RANBP2: variants seen among roughly 807,000 people sequenced by gnomAD.
The protein encoded by RANBP2 is E3 SUMO-protein ligase RanBP2.
In RANBP2, 57 loss-of-function variants were observed where a neutral mutation model predicts 303.6. The ratio of observed to expected loss-of-function variants is 0.19; its 90% confidence interval spans 0.15 to 0.23. RANBP2 has a LOEUF of 0.23. Ranked by LOEUF, RANBP2 falls within the 10% of genes least tolerant of loss-of-function variation. The probability of loss-of-function intolerance (pLI) is 1.00; values close to 1 mark genes in which losing one functional copy is unlikely to be tolerated. For synonymous variants in RANBP2, 1,167 were observed against 1,301.5 expected, an observed-to-expected ratio of 0.90 and a Z score of 2.23; for missense variants, 3,138 against 3,780.8, an observed-to-expected ratio of 0.83 and a Z score of 4.46.
chr2:108,938,273 C>T, the RANBP2 span, among the ~76,000 whole-genome samples: 2 of 152,228 alleles, frequency 1.3e-5, no homozygotes, highest in East Asian at 1.9e-4. Context: ...GTGCAGTAAA[C>T]AGTCGTGGCC....
At chr2:109,163,750 A>G in the RANBP2 span, among the ~76,000 whole-genome samples, 7 of 152,150 alleles carry the variant, frequency 4.6e-5, no homozygotes, top group African/African-American at 1.7e-4. Context: ...AGTAACTGGA[A>G]TCGCCATCCT....
At chr2:108,853,865 A>AG in the RANBP2 span, among the ~76,000 whole-genome samples, 1 of 127,688 alleles carries the variant, frequency 7.8e-6, no homozygotes, top group East Asian at 2.0e-4. Flanking sequence ...TATATATAAT[A>AG]TATATACTAT....
chr2:108,845,025 C>T, the RANBP2 span, among the ~76,000 whole-genome samples: 75 of 151,904 alleles, frequency 4.9e-4, 1 homozygote, highest in Non-Finnish European at 1.2e-4. Flanking sequence ...GGATTACAGG[C>T]GTGAGCCACT....
At chr2:108,918,842 A>C in the RANBP2 span, among the ~76,000 whole-genome samples, 18 of 152,246 alleles carry the variant, frequency 1.2e-4, no homozygotes, top group African/African-American at 4.1e-4. Context: ...AGGGTAAAAG[A>C]TTGCATTTTT....
the RANBP2 span, chr2:109,552,481 G>C: frequency 6.6e-6 from 1 of 152,154 alleles, no homozygotes; most frequent in Non-Finnish European, 1.5e-5. Flanking sequence ...ATTTCTAATG[G>C]AAGAATATTT....
chr2:109,574,613 C>T, the RANBP2 span: 2 of 1,597,260 alleles, frequency 1.3e-6, no homozygotes, highest in South Asian at 1.1e-5. Flanking sequence ...GTTAAGAGAT[C>T]AAGTGTCTTC....
chr2:109,613,335 A>G, the RANBP2 span: 5 of 376,248 alleles, frequency 1.3e-5, no homozygotes, highest in Non-Finnish European at 2.4e-5. Context: ...TTGGACGACC[A>G]CACCATCGGA....
the RANBP2 span, among the ~76,000 whole-genome samples, chr2:109,407,085 A>G: frequency 1.3e-5 from 2 of 152,202 alleles, no homozygotes; most frequent in Non-Finnish European, 2.9e-5. Flanking sequence ...AATACTGCCC[A>G]TGAGTGTCCT....
the RANBP2 span, among the ~76,000 whole-genome samples, chr2:109,018,381 C>T: frequency 1.2e-3 from 188 of 151,324 alleles, 2 homozygotes; most frequent in Non-Finnish European, 6.3e-4. Flanking sequence ...GCTAGCCAGG[C>T]GCCAGCGTGC....
At chr2:109,585,329 A>G in the RANBP2 span, 3 of 1,588,526 alleles carry the variant, frequency 1.9e-6, no homozygotes, top group Non-Finnish European at 2.6e-6. Flanking sequence ...CCCCTGAAAC[A>G]CACAAAGGTA....
the RANBP2 span, among the ~76,000 whole-genome samples, chr2:108,959,492 C>G: frequency 6.6e-6 from 1 of 152,196 alleles, no homozygotes; most frequent in Non-Finnish European, 1.5e-5. Context: ...TCTTTCAATG[C>G]TTTGTTTCTC....
the RANBP2 span, among the ~76,000 whole-genome samples, chr2:109,348,989 T>A: frequency 6.6e-6 from 1 of 152,246 alleles, no homozygotes; most frequent in African/African-American, 2.4e-5. Context: ...TCACTCGTTC[T>A]GTCTTGCCTG....
chr2:109,430,997 AG>A, the RANBP2 span, among the ~76,000 whole-genome samples: 6 of 152,200 alleles, frequency 3.9e-5, no homozygotes, highest in Admixed American at 2.0e-4. Context: ...ATGTTCGAAA[AG>A]GGGGGCAGAT....
At chr2:108,821,961 A>C in the RANBP2 span, among the ~76,000 whole-genome samples, 1 of 150,604 alleles carries the variant, frequency 6.6e-6, no homozygotes, top group Non-Finnish European at 1.5e-5. Context: ...TCCTTCCTTT[A>C]TCAGTAATTA....
chr2:108,789,167 T>C (rs986307003), downstream of RANBP2, among the ~76,000 whole-genome samples: 11 of 152,232 alleles, frequency 7.2e-5, no homozygotes, highest in African/African-American at 2.7e-4. Flanking sequence ...AGCATAGACC[T>C]AGCATTATAT....
chr2:109,561,602 C>T, the RANBP2 span, among the ~76,000 whole-genome samples: 1 of 152,148 alleles, frequency 6.6e-6, no homozygotes, highest in Non-Finnish European at 1.5e-5. Context: ...CATCATGTGT[C>T]TAATAACCTA....
chr2:109,186,242 C>T, the RANBP2 span, among the ~76,000 whole-genome samples: 2 of 152,256 alleles, frequency 1.3e-5, no homozygotes, highest in Admixed American at 6.5e-5. Flanking sequence ...TTCCCGTGTA[C>T]GAGATGCTTT....
the RANBP2 span, among the ~76,000 whole-genome samples, chr2:108,992,944 T>C: frequency 6.6e-6 from 1 of 150,986 alleles, no homozygotes. Context: ...ACTGGCCAGC[T>C]AGTTTTTAAA....
the RANBP2 span, chr2:109,501,729 G>A: frequency 3.3e-5 from 23 of 701,550 alleles, no homozygotes; most frequent in African/African-American, 1.2e-4. Context: ...GAAGCTCCAC[G>A]GCACACAGAG....
Sources: gnomAD v4.1 joint callset for allele counts (sites outside exome capture counted in the v4.1 genomes callset) on GRCh38, gnomAD v4.1.1 for gene constraint, MANE v1.5 for transcripts, NCBI Gene and HGNC (gene_info 2026-07-23, HGNC 2026-07-21) for gene names.